Variants in TMEM181 observed in about 807,000 individuals in gnomAD.
TMEM181 encodes transmembrane protein 181, also known as G protein-coupled receptor 178.
In TMEM181, 39 loss-of-function variants were observed where a neutral mutation model predicts 71.9. The observed-to-expected ratio is 0.54, with a 90% CI of 0.42 to 0.71. The LOEUF (loss-of-function observed/expected upper bound fraction) is 0.71. Among genes scored for constraint, TMEM181 ranks in the 30% least tolerant of loss-of-function variants. The pLI, the probability that TMEM181 is intolerant of heterozygous loss-of-function variation, is 0.00. For missense variants in TMEM181, 595 were observed against 583.0 expected, an observed-to-expected ratio of 1.02 and a Z score of -0.21; for synonymous variants, 245 against 228.8, an observed-to-expected ratio of 1.07 and a Z score of -0.64.
At chr6:158,545,824 A>T (rs940791328) in intron 1 of TMEM181, among the ~76,000 whole-genome samples, 17 of 152,046 alleles carry the variant, frequency 1.1e-4, no homozygotes, top group African/African-American at 3.9e-4. Context: ...AGCCTCCTGA[A>T]TAACTGGAGC....
Position 158,620,523 on chromosome 6 carries a change from G to A in TMEM181, c.897-3027G>A, listed in dbSNP as rs188792947. 1.9e-3 allele frequency among the ~76,000 whole-genome samples: 287 copies of A among 152,290 alleles called. No individual in the cohort carries two copies. The highest frequency in any genetic ancestry group is 6.8e-3 in the African/African-American group (281 of 41,564). ...GAGGGAGAGGGAGAGAGAAAGAAGAGGGAGAAAGAGGGAGCAAGGGTTAGG... is the reference window on the plus strand; with the variant it reads ...GAGGGAGAGGGAGAGAGAAAGAAGAAGGAGAAAGAGGGAGCAAGGGTTAGG... On this transcript the variant is annotated intron_variant, in intron 10 of 16. Transcript: ENST00000684151. This position sits in a 1 kb window ranked among gnomAD's most constrained non-coding sequence, Gnocchi z 4.5.
Position 158,628,394 on chromosome 6 carries a change from T to A in TMEM181, c.1110-14T>A. On this transcript the variant is annotated splice_polypyrimidine_tract_variant and intron_variant, in intron 13 of 16. Transcript: ENST00000684151. ...CATGTTTACATATTGTCTCTGCTCCTCTGTCTTGTTCAGCATCGCCATCCT... is the reference window on the plus strand; with the variant it reads ...CATGTTTACATATTGTCTCTGCTCCACTGTCTTGTTCAGCATCGCCATCCT... 6.2e-7 allele frequency: 1 copy of A among 1,613,986 alleles called. No homozygotes were observed. The highest frequency in any genetic ancestry group is 8.5e-7 in the Non-Finnish European group (1 of 1,179,860).
intron 6 of TMEM181, among the ~76,000 whole-genome samples, chr6:158,598,863 T>C (rs2362572): frequency 0.35 from 53,517 of 151,354 alleles, 10,373 homozygotes; most frequent in East Asian, 0.75. Context: ...TTAGTAGAGA[T>C]GGGGTTTCAC....
At chr6:158,606,377 T>C (rs1313575711) in intron 7 of TMEM181, among the ~76,000 whole-genome samples, 2 of 152,232 alleles carry the variant, frequency 1.3e-5, no homozygotes, top group African/African-American at 4.8e-5. Context: ...TAAATGAAAG[T>C]AGAAAGCTGT....
intron 1 of TMEM181, among the ~76,000 whole-genome samples, chr6:158,560,665 G>A (rs569485134): frequency 6.6e-6 from 1 of 152,348 alleles, no homozygotes; most frequent in African/African-American, 2.4e-5. Context: ...AGCGCCCCGC[G>A]CTGCCCTGCG....
At chr6:158,571,085 T>A (rs1019412102) in intron 1 of TMEM181, among the ~76,000 whole-genome samples, 10 of 151,704 alleles carry the variant, frequency 6.6e-5, no homozygotes, top group South Asian at 2.1e-4. Flanking sequence ...GCTAATTTTT[T>A]AAAAAATTAA....
At chr6:158,630,714 TAA>T (rs35963539) in intron 15 of TMEM181, among the ~76,000 whole-genome samples, 229 of 141,566 alleles carry the variant, frequency 1.6e-3, no homozygotes, top group African/African-American at 4.2e-3. Flanking sequence ...TTGTTACCAT[TAA>T]AAAAAAAAAA....
chr6:158,617,911 T>G (rs914115064), intron 10 of TMEM181, among the ~76,000 whole-genome samples: 5 of 152,226 alleles, frequency 3.3e-5, no homozygotes, highest in African/African-American at 1.2e-4. Flanking sequence ...TGTGGTCAAT[T>G]TTGGAATAAG....
At chr6:158,560,602 G>A (rs1782103999) in intron 1 of TMEM181, among the ~76,000 whole-genome samples, 2 of 152,088 alleles carry the variant, frequency 1.3e-5, no homozygotes, top group Non-Finnish European at 2.9e-5. Context: ...GCCGCCTCCC[G>A]GGCAGCCTCT....
At chr6:158,593,318 T>C (rs1007797658) in intron 6 of TMEM181, among the ~76,000 whole-genome samples, 2 of 152,230 alleles carry the variant, frequency 1.3e-5, no homozygotes, top group Non-Finnish European at 2.9e-5. Flanking sequence ...GAAGTGTTTC[T>C]ATTATAGAAA....
intron 10 of TMEM181, among the ~76,000 whole-genome samples, chr6:158,621,793 T>C (rs1426445300): frequency 1.3e-5 from 2 of 152,224 alleles, no homozygotes; most frequent in African/African-American, 4.8e-5. Context: ...AGCGCTTCTG[T>C]CTGCGCAGGC....
At chr6:158,538,204 G>A (rs372604136) in intron 1 of TMEM181, among the ~76,000 whole-genome samples, 1 of 150,340 alleles carries the variant, frequency 6.7e-6, no homozygotes, top group African/African-American at 2.5e-5. Flanking sequence ...GCCCAGGCTG[G>A]AGTGCAGTGG....
At chr6:158,541,729 C>T (rs915952200) in intron 1 of TMEM181, among the ~76,000 whole-genome samples, 1 of 152,112 alleles carries the variant, frequency 6.6e-6, no homozygotes, top group Non-Finnish European at 1.5e-5. Context: ...TATTTCCTGA[C>T]GCATCTGTAC....
intron 1 of TMEM181, among the ~76,000 whole-genome samples, chr6:158,560,478 T>TGCGGTCGGGGTTCCGGGAC: frequency 6.6e-6 from 1 of 152,130 alleles, no homozygotes; most frequent in Non-Finnish European, 1.5e-5. Context: ...GAGACCGGGA[T>TGCGGTCGGGGTTCCGGGAC]GCGGTCGGGG....
chr6:158,625,918 G>A (rs1394134999), intron 13 of TMEM181, among the ~76,000 whole-genome samples, 164 bp downstream of exon 13: 5 of 152,194 alleles, frequency 3.3e-5, no homozygotes, highest in Non-Finnish European at 4.4e-5. Context: ...GAGAGCAGCC[G>A]TCAGCCTGGA....
chr6:158,550,485 A>T (rs1489233581), intron 1 of TMEM181, among the ~76,000 whole-genome samples: 1 of 151,764 alleles, frequency 6.6e-6, no homozygotes, highest in Non-Finnish European at 1.5e-5. Context: ...GTGAAGCCCC[A>T]TCTCTACTGA....
chr6:158,607,481 C>A, intron 8 of TMEM181, 138 bp downstream of exon 8: 1 of 732,722 alleles, frequency 1.4e-6, no homozygotes, highest in Non-Finnish European at 2.3e-6. Context: ...AGTTTAACAC[C>A]AGCCTGGGTA....
chr6:158,600,659 T>C (rs1030202358), intron 6 of TMEM181, among the ~76,000 whole-genome samples: 6 of 151,244 alleles, frequency 4.0e-5, no homozygotes, highest in African/African-American at 9.7e-5. Flanking sequence ...TTAGTAGAGA[T>C]GGGGTTTTGC....
At chr6:158,607,423 A>AT (rs1583024337) in intron 8 of TMEM181, 80 bp downstream of exon 8, 2 of 1,340,428 alleles carry the variant, frequency 1.5e-6, no homozygotes, top group African/African-American at 1.4e-5. Context: ...TGTGCCTGTC[A>AT]TCCCAGCACT....
Sources: gnomAD v4.1 joint callset for allele counts (sites outside exome capture counted in the v4.1 genomes callset) on GRCh38, gnomAD v4.1.1 for gene constraint, Gnocchi (gnomAD v3.1) non-coding constraint, MANE v1.5 for transcripts, NCBI Gene and HGNC (gene_info 2026-07-23, HGNC 2026-07-21) for gene names.